TMEM232: variants seen among roughly 807,000 people sequenced by gnomAD.
The protein encoded by TMEM232 is transmembrane protein 232.
In TMEM232, 80 loss-of-function variants were observed where a neutral mutation model predicts 78.8. That is an observed-to-expected ratio of 1.01 (90% CI 0.85 to 1.22). The LOEUF is 1.22. Ranked by LOEUF, TMEM232 falls within the 50% of genes most tolerant of loss-of-function variation. The pLI, the probability that TMEM232 is intolerant of heterozygous loss-of-function variation, is 0.00. For missense variants in TMEM232, 881 were observed against 742.2 expected, an observed-to-expected ratio of 1.19 and a Z score of -2.17; for synonymous variants, 297 against 254.3, an observed-to-expected ratio of 1.17 and a Z score of -1.60.
chr5:110,503,628 G>T (rs980548771), intron 12 of TMEM232, among the ~76,000 whole-genome samples: 1 of 152,042 alleles, frequency 6.6e-6, no homozygotes, highest in East Asian at 1.9e-4. Context: ...ATGCTGCAGC[G>T]ATGTGCATCC....
chr5:110,427,917 T>A (rs577567953), intron 12 of TMEM232, among the ~76,000 whole-genome samples: 1 of 151,938 alleles, frequency 6.6e-6, no homozygotes, highest in South Asian at 2.1e-4. Flanking sequence ...GATACACACA[T>A]GTAATGCATA....
At position 110,663,369 on chromosome 5, in the gene TMEM232, T is replaced by A. The variant is rs565187653; in HGVS notation, c.125+3859A>T. On this transcript the variant is annotated intron_variant, in intron 2 of 13. Transcript: ENST00000455884. ...TAATAAATATTTAATAATACCAACATATTAATAAGAATAAGAAAACACATG... is the reference window on the plus strand; with the variant it reads ...TAATAAATATTTAATAATACCAACAAATTAATAAGAATAAGAAAACACATG... Among the ~76,000 whole-genome samples the A allele has an allele frequency of 2.6e-5, 4 of 152,070 alleles. No homozygotes were observed. In the South Asian group the frequency reaches 8.3e-4, roughly 32 times the overall value.
intron 12 of TMEM232, among the ~76,000 whole-genome samples, chr5:110,521,356 G>T (rs1346099353): frequency 6.6e-6 from 1 of 151,956 alleles, no homozygotes. Context: ...TTATATATTT[G>T]GAAATTAAAC....
At chr5:110,487,314 C>G (rs1024719586) in intron 12 of TMEM232, among the ~76,000 whole-genome samples, 4 of 152,038 alleles carry the variant, frequency 2.6e-5, no homozygotes, top group African/African-American at 9.7e-5. Flanking sequence ...TTTCTCTTGT[C>G]TGATTGCTCT....
chr5:110,623,408 T>G (rs1784029120), intron 7 of TMEM232, among the ~76,000 whole-genome samples: 1 of 152,186 alleles, frequency 6.6e-6, no homozygotes, highest in African/African-American at 2.4e-5. Flanking sequence ...TTTAGCTTTA[T>G]CAAATGATAA....
chr5:110,632,181 C>T (rs901977323), intron 5 of TMEM232, among the ~76,000 whole-genome samples: 1 of 152,082 alleles, frequency 6.6e-6, no homozygotes, highest in African/African-American at 2.4e-5. Flanking sequence ...TGCACTATTG[C>T]ATGTACTCAG....
At position 110,712,395 on chromosome 5, in the gene TMEM232, A is replaced by G. The variant is rs145205847; in HGVS notation, c.-13+14232T>C. On this transcript the variant is annotated intron_variant, in intron 1 of 13. Coordinates refer to ENST00000455884, the MANE Select transcript of TMEM232 (RefSeq NM_001039763.4). ...ATATATGGAGCTCAAACAACTCTAT[A>G]GGAAAAAAAATCTAATAATCTAATC... is the stretch of plus-strand genomic sequence containing the variant. Among the ~76,000 whole-genome samples the G allele has an allele frequency of 8.3e-3, 1,259 of 152,256 alleles. 8 individuals are homozygous for G. The highest frequency in any genetic ancestry group is 0.015 in the Admixed American group (231 of 15,298).
chr5:110,645,414 G>C (rs1265160722), intron 2 of TMEM232, among the ~76,000 whole-genome samples: 1 of 148,312 alleles, frequency 6.7e-6, no homozygotes, highest in African/African-American at 2.5e-5. Flanking sequence ...TACAAGGATG[G>C]TTCAACATAC....
chr5:110,598,321 A>C (rs756681152), intron 10 of TMEM232, among the ~76,000 whole-genome samples: 1 of 152,218 alleles, frequency 6.6e-6, no homozygotes, highest in African/African-American at 2.4e-5. Flanking sequence ...ATACCATCTC[A>C]CACCAGTTAG....
intron 1 of TMEM232, among the ~76,000 whole-genome samples, chr5:110,678,981 C>T (rs1792374899): frequency 6.6e-6 from 1 of 152,164 alleles, no homozygotes; most frequent in African/African-American, 2.4e-5. Context: ...CTAAAACATT[C>T]ATGTGCAGGT....
chr5:110,590,901 C>T (rs1218768304), intron 10 of TMEM232, among the ~76,000 whole-genome samples: 1 of 152,070 alleles, frequency 6.6e-6, no homozygotes, highest in Non-Finnish European at 1.5e-5. Flanking sequence ...ACCATCAGAT[C>T]TCGTGAGAAC....
At chr5:110,401,676 G>C (rs912814404) in intron 2 of TMEM232, among the ~76,000 whole-genome samples, 2 of 152,016 alleles carry the variant, frequency 1.3e-5, no homozygotes, top group Non-Finnish European at 2.9e-5. Flanking sequence ...TCACAGCCCA[G>C]CTTCTCATGT....
chr5:110,716,405 T>G (rs1580774487), intron 1 of TMEM232, among the ~76,000 whole-genome samples: 1 of 152,224 alleles, frequency 6.6e-6, no homozygotes, highest in Admixed American at 6.5e-5. Context: ...TAATGTAGAA[T>G]CAGTGGGAGA....
At chr5:110,691,663 A>G (rs1410269486) in intron 1 of TMEM232, among the ~76,000 whole-genome samples, 1 of 152,242 alleles carries the variant, frequency 6.6e-6, no homozygotes, top group Non-Finnish European at 1.5e-5. Context: ...TTTGTCTATC[A>G]GATAAAACAC....
In TMEM232 at chr5:110,458,405, C is replaced by T. The variant is rs1249499287; in HGVS notation, c.1704-33489G>A. 2.0e-5 allele frequency among the ~76,000 whole-genome samples: 3 copies of T among 152,078 alleles called. No homozygotes were observed. In the East Asian group the frequency reaches 5.8e-4, roughly 29 times the overall value. On this transcript the variant is annotated intron_variant, in intron 12 of 13. Coordinates refer to ENST00000455884, the MANE Select transcript of TMEM232 (RefSeq NM_001039763.4). ...TAACAATCTGGCAGGGGGCTTAACT[C>T]AGTTACTAGTTTAGGGATTTCTATC... is the stretch of plus-strand genomic sequence containing the variant.
intron 1 of TMEM232, among the ~76,000 whole-genome samples, chr5:110,686,608 C>T (rs1456393769): frequency 5.9e-5 from 9 of 151,868 alleles, no homozygotes; most frequent in Admixed American, 5.9e-4. Flanking sequence ...TATAGATAAC[C>T]AGAACCCTTA....
At chr5:110,631,651 G>C (rs1012533412) in intron 5 of TMEM232, among the ~76,000 whole-genome samples, 4 of 152,186 alleles carry the variant, frequency 2.6e-5, no homozygotes, top group African/African-American at 9.6e-5. Context: ...CCATGATCAA[G>C]CTCATGTGCA....
chr5:110,418,228 C>A (rs1041852963), downstream of TMEM232: 1 of 152,088 alleles, frequency 6.6e-6, no homozygotes, highest in African/African-American at 2.4e-5. Flanking sequence ...AAATGACTGA[C>A]AGGTTTGTTT....
At chr5:110,477,848 T>C (rs1396607090) in intron 12 of TMEM232, among the ~76,000 whole-genome samples, 2 of 151,870 alleles carry the variant, frequency 1.3e-5, no homozygotes, top group African/African-American at 2.4e-5. Context: ...TAATGTCTTC[T>C]ACTCTGAAAA....
Sources: gnomAD v4.1 joint callset for allele counts (sites outside exome capture counted in the v4.1 genomes callset) on GRCh38, gnomAD v4.1.1 for gene constraint, MANE v1.5 for transcripts, NCBI Gene and HGNC (gene_info 2026-07-23, HGNC 2026-07-21) for gene names.